KAT2B: variants seen among roughly 807,000 people sequenced by gnomAD.
KAT2B encodes the protein lysine acetyltransferase 2B.
A neutral mutation model predicts 105.9 loss-of-function variants in KAT2B; 36 were observed. That is an observed-to-expected ratio of 0.34 (90% confidence interval 0.26 to 0.45). The LOEUF is 0.45. KAT2B is among the 20% of genes least tolerant of loss of function. KAT2B has a pLI of 1.00. For synonymous variants in KAT2B, 397 were observed against 377.9 expected, an observed-to-expected ratio of 1.05 and a Z score of -0.59; for missense variants, 820 against 1,021.6, an observed-to-expected ratio of 0.80 and a Z score of 2.69.
intron 6 of KAT2B, among the ~76,000 whole-genome samples, chr3:20,112,047 T>A (rs1699131227): frequency 6.6e-6 from 1 of 152,132 alleles, no homozygotes; most frequent in Admixed American, 6.5e-5. Flanking sequence ...CTGACTCACA[T>A]AGAATGGGGC....
At chr3:20,140,399 A>C (rs1184827903) in intron 13 of KAT2B, 35 bp downstream of exon 13, 3 of 1,608,138 alleles carry the variant, frequency 1.9e-6, no homozygotes, top group Non-Finnish European at 2.5e-6. Context: ...CCTTCTGTAC[A>C]GGCCAGTCTT....
chr3:20,064,381 T>C (rs994993960), intron 1 of KAT2B, among the ~76,000 whole-genome samples: 1 of 152,214 alleles, frequency 6.6e-6, no homozygotes, highest in Non-Finnish European at 1.5e-5. Context: ...GTAGCTATTT[T>C]GTAATATGCA....
At chr3:20,115,170 A>G (rs888106267) in intron 7 of KAT2B, among the ~76,000 whole-genome samples, 182 bp downstream of exon 7, 1 of 152,228 alleles carries the variant, frequency 6.6e-6, no homozygotes, top group African/African-American at 2.4e-5. Context: ...CTAGGAATCA[A>G]GTCTCAGTCT....
chr3:20,080,418 A>C (rs776088282), intron 2 of KAT2B, among the ~76,000 whole-genome samples: 5 of 152,128 alleles, frequency 3.3e-5, no homozygotes, highest in Non-Finnish European at 7.4e-5. Flanking sequence ...TGACTGCAGA[A>C]CTCTGTAGAG....
At chr3:20,088,938 A>G (rs1698667507) in intron 2 of KAT2B, among the ~76,000 whole-genome samples, 1 of 152,262 alleles carries the variant, frequency 6.6e-6, no homozygotes, top group African/African-American at 2.4e-5. Context: ...ATAAGGGTCT[A>G]ATTTCATTCT....
chr3:20,080,010 C>G (rs571272534), intron 2 of KAT2B, among the ~76,000 whole-genome samples: 2 of 152,348 alleles, frequency 1.3e-5, no homozygotes, highest in South Asian at 4.1e-4. Flanking sequence ...AAGTTCCTGC[C>G]TCTAGCACTG....
intron 17 of KAT2B, among the ~76,000 whole-genome samples, chr3:20,149,897 G>A (rs980164712): frequency 6.6e-6 from 1 of 152,142 alleles, no homozygotes; most frequent in African/African-American, 2.4e-5. Context: ...TCTTCCTCTG[G>A]ACCATCTCAG....
intron 8 of KAT2B, among the ~76,000 whole-genome samples, chr3:20,120,825 A>G (rs1699295400): frequency 6.6e-6 from 1 of 152,122 alleles, no homozygotes; most frequent in Non-Finnish European, 1.5e-5. Context: ...TTTTAAATAA[A>G]AGAAGTACCA....
intron 2 of KAT2B, among the ~76,000 whole-genome samples, chr3:20,074,678 T>C (rs988618470): frequency 1.3e-5 from 2 of 152,050 alleles, no homozygotes; most frequent in African/African-American, 4.8e-5. Context: ...CTGAAAACAA[T>C]GGGAAAACAG....
chr3:20,058,701 T>C (rs1019239292), intron 1 of KAT2B, among the ~76,000 whole-genome samples: 51 of 152,046 alleles, frequency 3.4e-4, no homozygotes, highest in African/African-American at 1.2e-3. Flanking sequence ...TGGCCTTCCA[T>C]GTACAACTGT....
chr3:20,061,790 ATATATT>A (rs1343094646), intron 1 of KAT2B, among the ~76,000 whole-genome samples: 1 of 133,724 alleles, frequency 7.5e-6, no homozygotes, highest in East Asian at 2.1e-4. Context: ...AATACATAAA[ATATATT>A]ATATATTATA....
chr3:20,114,508 C>T (rs1029960110), intron 6 of KAT2B, among the ~76,000 whole-genome samples: 8 of 149,506 alleles, frequency 5.4e-5, no homozygotes, highest in Admixed American at 5.3e-4. Flanking sequence ...AGGCACAAAG[C>T]AAGCACTCGA....
intron 5 of KAT2B, among the ~76,000 whole-genome samples, chr3:20,105,800 GAAAA>G (rs35102951): frequency 3.2e-5 from 3 of 94,438 alleles, no homozygotes; most frequent in Admixed American, 2.5e-4. Flanking sequence ...GACCCTGTCT[GAAAA>G]AAAAAAAAAA....
intron 5 of KAT2B, among the ~76,000 whole-genome samples, chr3:20,110,177 T>C (rs1319819372): frequency 6.6e-6 from 1 of 152,086 alleles, no homozygotes; most frequent in African/African-American, 2.4e-5. Context: ...GGAAAGCACA[T>C]AGGGAGGAGA....
intron 1 of KAT2B, among the ~76,000 whole-genome samples, chr3:20,061,841 TA>T (rs1435295596): frequency 9.1e-6 from 1 of 109,888 alleles, no homozygotes; most frequent in Non-Finnish European, 1.9e-5. Context: ...ATAATATACA[TA>T]AAATATATAT....
chr3:20,042,539 C>T (rs919065041), intron 1 of KAT2B, among the ~76,000 whole-genome samples: 5 of 152,212 alleles, frequency 3.3e-5, no homozygotes, highest in African/African-American at 1.2e-4. Flanking sequence ...TCCACAAAAA[C>T]CTATGAAAAA....
At chr3:20,107,017 T>TATA (rs1699032344) in intron 5 of KAT2B, among the ~76,000 whole-genome samples, 1 of 22,882 alleles carries the variant, frequency 4.4e-5, no homozygotes, top group Non-Finnish European at 7.6e-5. Context: ...ATATATATAT[T>TATA]TTTTTTTTTT....
intron 12 of KAT2B, among the ~76,000 whole-genome samples, 162 bp downstream of exon 12, chr3:20,137,214 A>G (rs1699617704): frequency 6.6e-6 from 1 of 152,244 alleles, no homozygotes; most frequent in African/African-American, 2.4e-5. Flanking sequence ...CCTGGATTAG[A>G]GAGTGTCACT....
At chr3:20,065,980 C>G (rs1488896293) in intron 1 of KAT2B, among the ~76,000 whole-genome samples, 4 of 152,078 alleles carry the variant, frequency 2.6e-5, no homozygotes, top group Non-Finnish European at 5.9e-5. Context: ...CAAATAACCA[C>G]AAAATATGTG....
Sources: allele counts gnomAD v4.1 joint callset (sites outside exome capture counted in the v4.1 genomes callset), GRCh38; gene constraint gnomAD v4.1.1; transcripts MANE v1.5; gene names NCBI Gene and HGNC (gene_info 2026-07-23, HGNC 2026-07-21).